The following PCSK2 variants were observed in gnomAD, a reference collection of about 807,000 sequenced individuals.
PCSK2 encodes the protein proprotein convertase subtilisin/kexin type 2, also known as neuroendocrine convertase 2.
PCSK2 carries 14 observed loss-of-function variants against 69.7 expected under a neutral mutation model. That is an observed-to-expected ratio of 0.20 (90% CI 0.13 to 0.31). The LOEUF (loss-of-function observed/expected upper bound fraction) is 0.31, where lower values mean the gene tolerates loss of function less well. Ranked by LOEUF, PCSK2 falls within the 10% of genes least tolerant of loss-of-function variation. The probability of loss-of-function intolerance (pLI) is 1.00; values close to 1 mark genes in which losing one functional copy is unlikely to be tolerated. For synonymous variants in PCSK2, 307 were observed against 320.7 expected (o/e 0.96, Z 0.46); for missense variants, 544 against 842.5 (o/e 0.65, Z 4.39).
At chr20:17,267,144 A>C (rs1238968599) in intron 2 of PCSK2, among the ~76,000 whole-genome samples, 1 of 152,072 alleles carries the variant, frequency 6.6e-6, no homozygotes, top group African/African-American at 2.4e-5. Flanking sequence ...TTTTCCAGAG[A>C]TTGAACTGAA....
chr20:17,471,379 G>C (rs2033198550), intron 11 of PCSK2, among the ~76,000 whole-genome samples: 1 of 152,210 alleles, frequency 6.6e-6, no homozygotes, highest in African/African-American at 2.4e-5. Context: ...AGAGAAATGG[G>C]AAAGCACTAT....
At position 17,474,850 on chromosome 20, in the gene PCSK2, C is replaced by G. The variant is rs1048705525; in HGVS notation, c.1431-6734C>G. On this transcript the variant is annotated intron_variant, in intron 11 of 11. Transcript: ENST00000262545. Reference sequence around the variant, plus strand: ...AAGCAAAAGAAGTGAGGTGACTGAGCCCACAGATGGAATGAGGCCCATATT... The same window carrying G: ...AAGCAAAAGAAGTGAGGTGACTGAGGCCACAGATGGAATGAGGCCCATATT... Among the ~76,000 whole-genome samples, 7 of 152,012 alleles carry G rather than the reference C, an allele frequency of 4.6e-5. 1 individual carries two copies. In the South Asian group the frequency reaches 1.0e-3, roughly 23 times the overall value.
chr20:17,347,664 C>G (rs150514764), intron 2 of PCSK2, among the ~76,000 whole-genome samples: 205 of 152,126 alleles, frequency 1.3e-3, no homozygotes, highest in African/African-American at 4.5e-3. Flanking sequence ...GCACGCTGTG[C>G]TCCAGCAGGG....
intron 10 of PCSK2, among the ~76,000 whole-genome samples, chr20:17,461,770 A>G (rs898844204): frequency 6.6e-6 from 1 of 152,202 alleles, no homozygotes; most frequent in Non-Finnish European, 1.5e-5. Context: ...ACAGCCTTGC[A>G]CACGAGAAAA....
intron 1 of PCSK2, among the ~76,000 whole-genome samples, chr20:17,235,746 A>G (rs1986314261): frequency 1.3e-5 from 2 of 152,160 alleles, no homozygotes; most frequent in Admixed American, 1.3e-4. Context: ...TTGGTATTAG[A>G]TGTAGTAGAC....
At chr20:17,309,766 C>CAATATCATG (rs1370646198) in intron 2 of PCSK2, among the ~76,000 whole-genome samples, 1 of 151,360 alleles carries the variant, frequency 6.6e-6, no homozygotes, top group African/African-American at 2.4e-5. Flanking sequence ...TGCAGTGAGC[C>CAATATCATG]AATATCATGC....
chr20:17,364,457 G>T (rs1332795280), intron 4 of PCSK2, among the ~76,000 whole-genome samples: 1 of 152,198 alleles, frequency 6.6e-6, no homozygotes, highest in Non-Finnish European at 1.5e-5. Context: ...ATGTGGCTGG[G>T]GAGGCCTCAC....
intron 2 of PCSK2, among the ~76,000 whole-genome samples, chr20:17,303,357 A>AT (rs1396019713): frequency 7.6e-6 from 1 of 131,104 alleles, no homozygotes; most frequent in Non-Finnish European, 1.6e-5. Flanking sequence ...ATAAACATAC[A>AT]ATATATGATA....
chr20:17,361,907 A>G (rs1298176616), intron 4 of PCSK2, among the ~76,000 whole-genome samples: 2 of 152,212 alleles, frequency 1.3e-5, no homozygotes, highest in Admixed American at 1.3e-4. Flanking sequence ...AAACTGTTCC[A>G]AAGGGGTTCA....
At chr20:17,318,833 T>C (rs1248222288) in intron 2 of PCSK2, among the ~76,000 whole-genome samples, 8 of 152,216 alleles carry the variant, frequency 5.3e-5, no homozygotes, top group Non-Finnish European at 1.0e-4. Flanking sequence ...GAGAAATACA[T>C]CTGCCACTTT....
chr20:17,314,790 T>C (rs1989626690), intron 2 of PCSK2, among the ~76,000 whole-genome samples: 1 of 152,218 alleles, frequency 6.6e-6, no homozygotes, highest in African/African-American at 2.4e-5. Context: ...AAATTGAATT[T>C]TCACGTGTTG....
At chr20:17,276,833 C>A (rs577533953) in intron 2 of PCSK2, among the ~76,000 whole-genome samples, 4 of 152,054 alleles carry the variant, frequency 2.6e-5, no homozygotes, top group African/African-American at 9.7e-5. Context: ...CGTCTCAGCC[C>A]AAAATCTCCT....
intron 11 of PCSK2, among the ~76,000 whole-genome samples, chr20:17,468,705 A>C (rs2123406942): frequency 6.8e-6 from 1 of 148,040 alleles, no homozygotes; most frequent in East Asian, 2.0e-4. Flanking sequence ...ACCATAGGTC[A>C]GCACCCTCCA....
At chr20:17,392,469 AC>A (rs749697655) in intron 5 of PCSK2, among the ~76,000 whole-genome samples, 56 of 152,326 alleles carry the variant, frequency 3.7e-4, no homozygotes, top group Non-Finnish European at 7.1e-4. Context: ...TTTTATGTTA[AC>A]TTTTATTTAC....
chr20:17,432,038 C>T (rs566230994), intron 7 of PCSK2, among the ~76,000 whole-genome samples: 53 of 152,230 alleles, frequency 3.5e-4, no homozygotes, highest in Middle Eastern at 6.8e-3. Context: ...TCCCCAGCAC[C>T]CCTCCACGCT....
intron 11 of PCSK2, among the ~76,000 whole-genome samples, chr20:17,480,762 C>T (rs2033385870): frequency 6.6e-6 from 1 of 152,218 alleles, no homozygotes; most frequent in African/African-American, 2.4e-5. Context: ...CAGCTGAGCT[C>T]AGTCCCACTA....
chr20:17,427,201 A>C (rs1002482165), intron 6 of PCSK2, among the ~76,000 whole-genome samples: 1 of 152,266 alleles, frequency 6.6e-6, no homozygotes, highest in East Asian at 1.9e-4. Context: ...CCCATCTCAT[A>C]GTAGGTGCTG....
chr20:17,421,854 C>G (rs1343517784), intron 6 of PCSK2, among the ~76,000 whole-genome samples: 1 of 124,728 alleles, frequency 8.0e-6, no homozygotes, highest in East Asian at 2.5e-4. Flanking sequence ...AAAAATATCT[C>G]CACATCAAAA....
chr20:17,422,165 C>T (rs1243503865), intron 6 of PCSK2, among the ~76,000 whole-genome samples: 1 of 152,076 alleles, frequency 6.6e-6, no homozygotes, highest in Non-Finnish European at 1.5e-5. Flanking sequence ...TAAAATCTAG[C>T]CTGGATGCAC....
Sources: gnomAD v4.1 joint callset for allele counts (sites outside exome capture counted in the v4.1 genomes callset) on GRCh38, gnomAD v4.1.1 for gene constraint, MANE v1.5 for transcripts, NCBI Gene and HGNC (gene_info 2026-07-23, HGNC 2026-07-21) for gene names.